Variants in NIPAL1 observed in about 807,000 individuals in gnomAD.
NIPAL1 encodes the protein magnesium transporter NIPA3.
Under a neutral mutation model 37.7 loss-of-function variants are expected in NIPAL1, and 35 were observed. The observed-to-expected ratio is 0.93, with a 90% CI of 0.71 to 1.23. The LOEUF is 1.23. Ranked by LOEUF, NIPAL1 falls within the 50% of genes most tolerant of loss-of-function variation. The pLI, the probability that NIPAL1 is intolerant of heterozygous loss-of-function variation, is 0.00. For missense variants in NIPAL1, 412 were observed against 473.9 expected, an observed-to-expected ratio of 0.87 and a Z score of 1.21; for synonymous variants, 162 against 183.0, an observed-to-expected ratio of 0.89 and a Z score of 0.93.
chr4:48,030,953 C>T (rs1014522790), intron 3 of NIPAL1, among the ~76,000 whole-genome samples: 6 of 152,062 alleles, frequency 3.9e-5, no homozygotes, highest in African/African-American at 1.4e-4. Context: ...GAACTGGGTA[C>T]CTTTTCTTTA....
At chr4:48,023,064 C>CTTTGT (rs752725923) in intron 1 of NIPAL1, among the ~76,000 whole-genome samples, 127 of 151,362 alleles carry the variant, frequency 8.4e-4, no homozygotes, top group Non-Finnish European at 1.5e-3. Context: ...ATTTCTATTT[C>CTTTGT]TTTGTTTTGT....
chr4:48,018,140 A>G (rs974844187), intron 1 of NIPAL1, among the ~76,000 whole-genome samples: 1 of 152,224 alleles, frequency 6.6e-6, no homozygotes, highest in African/African-American at 2.4e-5. Flanking sequence ...AACAACTCAC[A>G]AACTATTAAA....
intron 1 of NIPAL1, among the ~76,000 whole-genome samples, chr4:48,023,497 T>C (rs1285159783): frequency 6.6e-6 from 1 of 152,210 alleles, no homozygotes; most frequent in East Asian, 1.9e-4. Context: ...TTTCTAAAAA[T>C]TGAATTACAA....
At chr4:48,019,573 A>T (rs1047398539) in intron 1 of NIPAL1, among the ~76,000 whole-genome samples, 4 of 152,218 alleles carry the variant, frequency 2.6e-5, no homozygotes, top group Admixed American at 1.3e-4. Flanking sequence ...GCACTCTGTA[A>T]CAGGCTCAGG....
At chr4:48,021,215 C>T (rs2109365398) in intron 1 of NIPAL1, among the ~76,000 whole-genome samples, 1 of 152,282 alleles carries the variant, frequency 6.6e-6, no homozygotes, top group Non-Finnish European at 1.5e-5. Flanking sequence ...GAGTTTAGAA[C>T]TGGTCCATCA....
intron 1 of NIPAL1, among the ~76,000 whole-genome samples, chr4:48,024,598 G>A: frequency 6.6e-6 from 1 of 152,164 alleles, no homozygotes; most frequent in East Asian, 1.9e-4. Flanking sequence ...TTCTTGCAAT[G>A]TGATTTCTAG....
Position 48,035,884 on chromosome 4 carries a change from A to C in NIPAL1, c.945A>C (p.Thr315=). The C allele has an allele frequency of 6.2e-7, 1 of 1,613,910 alleles. No homozygotes were observed. Among genetic ancestry groups the C allele is most frequent in the African/African-American group, 1.3e-5 (1 of 75,042 alleles). ...CACCCATTTATTATGTATTCTTCAC[A>C]TCCATGGTAGTGACTTGCTCTGCCA... ...LVTPIYYVFF[T]SMVVTCSAIL... The change falls in exon 6 of 6, where the codon ACA becomes ACC. Residue 315 remains threonine (T), a synonymous_variant. Coordinates refer to ENST00000295461, the MANE Select transcript of NIPAL1 (RefSeq NM_207330.3).
intron 2 of NIPAL1, among the ~76,000 whole-genome samples, chr4:48,029,735 A>G (rs1325026655): frequency 1.3e-5 from 2 of 152,244 alleles, no homozygotes; most frequent in Non-Finnish European, 2.9e-5. Context: ...GCAATTTGGT[A>G]ATACATGTAA....
rs778891347 is a variant in NIPAL1 at position 48,030,147 on chromosome 4, A to T, written c.341A>T (p.Glu114Val). 2.3e-5 allele frequency: 37 copies of T among 1,605,294 alleles called. No homozygotes were observed. Among genetic ancestry groups the T allele is most frequent in the Non-Finnish European group, 3.2e-5 (37 of 1,172,438 alleles). Residue 114 changes from glutamate to valine, a missense_variant, in exon 3 of 6, where the codon GAA (glutamate) becomes GTA (valine). Glu to Val is a moderately radical substitution (Grantham distance 121, BLOSUM62 -2). Coordinates refer to ENST00000295461, the MANE Select transcript of NIPAL1 (RefSeq NM_207330.3). The stretch of plus-strand genomic sequence containing the variant: ...CAAGGTGGACATTCTTACCTGAAGG[A>T]ATGGCTCTGGTGGGTAGGATTGCTG... Reference protein sequence around the residue: ...AGQGGHSYLKEWLWWVGLLSM... With the variant: ...AGQGGHSYLKVWLWWVGLLSM...
At position 48,039,848 on chromosome 4, in the gene NIPAL1, A is replaced by G. The variant is rs550356128; in HGVS notation, c.*3676A>G. The G allele has an allele frequency of 5.9e-5, 9 of 152,340 alleles. No homozygotes were observed. In the East Asian group the frequency reaches 1.7e-3, roughly 29 times the overall value. The allele number at this position is 152,340 out of a possible 1,614,324, so 9.4% of individuals were successfully genotyped here. A position where few individuals can be genotyped will look rare whatever the true frequency, so the allele number is the denominator to read the frequency against. ...ATTGAGTGCCTATTTTTATACATTC[A>G]TCTTTTCTCAATTTGTCACATTATC... On this transcript the variant is annotated 3_prime_UTR_variant, in exon 6 of 6. Coordinates refer to ENST00000295461, the MANE Select transcript of NIPAL1 (RefSeq NM_207330.3).
chr4:48,028,066 T>G (rs547537597), intron 2 of NIPAL1, among the ~76,000 whole-genome samples: 4 of 152,294 alleles, frequency 2.6e-5, no homozygotes, highest in Admixed American at 2.0e-4. Context: ...TAAGAAAAAC[T>G]TATGATTTGT....
At chr4:48,025,641 T>A (rs1715669627) in intron 2 of NIPAL1, among the ~76,000 whole-genome samples, 1 of 152,198 alleles carries the variant, frequency 6.6e-6, no homozygotes. Context: ...CTAGGGAAGG[T>A]TCCTGTTCTT....
intron 3 of NIPAL1, 49 bp from the exon 4 acceptor site, chr4:48,032,944 C>A (rs751790929): frequency 7.6e-7 from 1 of 1,323,136 alleles, no homozygotes; most frequent in South Asian, 1.2e-5. Context: ...TTTTTCTCTT[C>A]TGACAAGTAA....
chr4:48,029,372 T>G (rs1715767535), intron 2 of NIPAL1, among the ~76,000 whole-genome samples: 1 of 152,090 alleles, frequency 6.6e-6, no homozygotes, highest in Non-Finnish European at 1.5e-5. Context: ...AGCTAAACCA[T>G]GGGTACACAT....
In NIPAL1 at chr4:48,036,567, G is replaced by A. The variant is rs10938519; in HGVS notation, c.*395G>A. ...AGACACAGTATCAGTCATATTCTCC[G>A]TTGAGTCATAATTTCAAACTCAACA... On this transcript the variant is annotated 3_prime_UTR_variant, in exon 6 of 6. Coordinates refer to ENST00000295461, the MANE Select transcript of NIPAL1 (RefSeq NM_207330.3). 18,149 of 171,844 alleles carry A rather than the reference G, an allele frequency of 0.11. 1,124 individuals carry two copies. The highest frequency in any genetic ancestry group is 0.26 in the East Asian group (1,380 of 5,400). The allele number at this position is 171,844 out of a possible 1,614,324, so 10.6% of individuals were successfully genotyped here.
chr4:48,026,848 A>G lies in NIPAL1; in HGVS notation c.313+1514A>G, dbSNP rs1398746091. 3.9e-5 allele frequency among the ~76,000 whole-genome samples: 6 copies of G among 151,928 alleles called. No homozygotes were observed. The South Asian group carries it at 6.2e-4, about 16-fold the overall frequency. ...ATTCTCCTGCCTCAGCTTCCCAAGT[A>G]GCTGGGATTACAGGCATGCACCATC... On this transcript the variant is annotated intron_variant, in intron 2 of 5. Transcript: ENST00000295461.
intron 4 of NIPAL1, among the ~76,000 whole-genome samples, chr4:48,033,952 A>G (rs1260288772): frequency 6.6e-6 from 1 of 152,184 alleles, no homozygotes; most frequent in East Asian, 1.9e-4. Flanking sequence ...AGTAGTAGTA[A>G]TAGTAGTATC....
chr4:48,032,675 T>C (rs1715847435), intron 3 of NIPAL1, among the ~76,000 whole-genome samples: 1 of 152,206 alleles, frequency 6.6e-6, no homozygotes, highest in Non-Finnish European at 1.5e-5. Context: ...AAGCTACCTC[T>C]ACTAGATTTC....
At chr4:48,022,874 G>C (rs1477934675) in intron 1 of NIPAL1, among the ~76,000 whole-genome samples, 2 of 152,044 alleles carry the variant, frequency 1.3e-5, no homozygotes, top group African/African-American at 4.8e-5. Flanking sequence ...TGTGGTTCCA[G>C]CTACTTGGGA....
Sources: gnomAD v4.1 joint callset for allele counts (sites outside exome capture counted in the v4.1 genomes callset) on GRCh38, gnomAD v4.1.1 for gene constraint, MANE v1.5 for transcripts, NCBI Gene and HGNC (gene_info 2026-07-23, HGNC 2026-07-21) for gene names.